The following EMCN variants were observed in gnomAD, a reference collection of about 807,000 sequenced individuals.
EMCN encodes endomucin.
In EMCN, 37 loss-of-function variants were observed where a neutral mutation model predicts 38.4. That is an observed-to-expected ratio of 0.96 (90% CI 0.74 to 1.27). EMCN has a LOEUF of 1.27. Ranked by LOEUF, EMCN falls within the 50% of genes most tolerant of loss-of-function variation. The pLI, the probability that EMCN is intolerant of heterozygous loss-of-function variation, is 0.00. For missense variants in EMCN, 318 were observed against 302.8 expected (o/e 1.05, Z -0.37); for synonymous variants, 95 against 100.8 (o/e 0.94, Z 0.35).
At chr4:100,515,144 A>G (rs1243718618) in intron 1 of EMCN, among the ~76,000 whole-genome samples, 5 of 152,146 alleles carry the variant, frequency 3.3e-5, no homozygotes, top group African/African-American at 9.7e-5. Flanking sequence ...CAACATTTTA[A>G]TATTTCCCAA....
intron 8 of EMCN, among the ~76,000 whole-genome samples, chr4:100,417,925 T>G (rs1726781972): frequency 6.6e-6 from 1 of 152,240 alleles, no homozygotes; most frequent in Admixed American, 6.5e-5. Context: ...GCAGCTTCTG[T>G]TTCTTAGATT....
chr4:100,418,944 T>C (rs1726812489), intron 8 of EMCN, among the ~76,000 whole-genome samples: 1 of 152,110 alleles, frequency 6.6e-6, no homozygotes. Context: ...GCTGTATTTT[T>C]AGTTTTTTTG....
chr4:100,479,729 C>T (rs1230153357), intron 2 of EMCN, among the ~76,000 whole-genome samples, 188 bp downstream of exon 2: 4 of 151,926 alleles, frequency 2.6e-5, no homozygotes, highest in South Asian at 2.1e-4. Context: ...ATCAACAAAG[C>T]GGCCCACTGA....
intron 1 of EMCN, among the ~76,000 whole-genome samples, chr4:100,506,583 A>C (rs1034894998): frequency 5.3e-5 from 8 of 152,118 alleles, no homozygotes; most frequent in African/African-American, 1.2e-4. Flanking sequence ...CAAAAAAAAA[A>C]CCCTGAAAAT....
intron 4 of EMCN, among the ~76,000 whole-genome samples, chr4:100,465,170 AGTGCCAG>A (rs1442441533): frequency 6.6e-6 from 1 of 152,022 alleles, no homozygotes; most frequent in Non-Finnish European, 1.5e-5. Context: ...CTCTCCTTTT[AGTGCCAG>A]GTAATATCAT....
At chr4:100,481,864 TCCTTCCTTCCTTCTTC>T (rs1728814735) in intron 1 of EMCN, among the ~76,000 whole-genome samples, 1 of 151,694 alleles carries the variant, frequency 6.6e-6, no homozygotes, top group Non-Finnish European at 1.5e-5. Flanking sequence ...CTTCCTTTCT[TCCTTCCTTCCTTCTTC>T]CCTTCCTCCC....
intron 2 of EMCN, among the ~76,000 whole-genome samples, chr4:100,479,543 C>T (rs983593891): frequency 3.3e-5 from 5 of 152,122 alleles, no homozygotes; most frequent in African/African-American, 1.2e-4. Flanking sequence ...CAAAACCAAT[C>T]TGTTATTAAT....
At chr4:100,470,874 T>TA (rs1213283199) in intron 3 of EMCN, among the ~76,000 whole-genome samples, 1 of 151,700 alleles carries the variant, frequency 6.6e-6, no homozygotes, top group African/African-American at 2.4e-5. Context: ...GAATAAATCA[T>TA]AAAAAATATT....
At chr4:100,457,249 A>T (rs1474938694) in intron 4 of EMCN, among the ~76,000 whole-genome samples, 1 of 151,462 alleles carries the variant, frequency 6.6e-6, no homozygotes, top group African/African-American at 2.4e-5. Flanking sequence ...AGATCATGTC[A>T]TCTGAGAACA....
At chr4:100,441,225 G>A (rs888757322) in intron 5 of EMCN, among the ~76,000 whole-genome samples, 80 of 152,046 alleles carry the variant, frequency 5.3e-4, no homozygotes, top group African/African-American at 1.9e-3. Flanking sequence ...CAATTGTAAT[G>A]TCCTGTTGAT....
intron 5 of EMCN, among the ~76,000 whole-genome samples, chr4:100,443,243 T>C (rs1407229864): frequency 1.3e-5 from 2 of 152,270 alleles, no homozygotes; most frequent in Non-Finnish European, 2.9e-5. Context: ...TGTGGTACCA[T>C]GCTTCCTTGC....
intron 5 of EMCN, among the ~76,000 whole-genome samples, chr4:100,436,291 C>A (rs1727350333): frequency 6.6e-6 from 1 of 152,032 alleles, no homozygotes; most frequent in African/African-American, 2.4e-5. Context: ...TAGAGAAATG[C>A]AAATCAAAAC....
chr4:100,428,061 T>C (rs1163321557), intron 5 of EMCN, among the ~76,000 whole-genome samples: 6 of 151,134 alleles, frequency 4.0e-5, no homozygotes, highest in Admixed American at 3.3e-4. Context: ...ATATCCTTTC[T>C]TCCTTCAGCT....
chr4:100,417,427 C>T (rs1485945770), intron 8 of EMCN, among the ~76,000 whole-genome samples: 12 of 152,074 alleles, frequency 7.9e-5, no homozygotes, highest in Admixed American at 7.2e-4. Flanking sequence ...AATTACTGTT[C>T]ATTATTGCAT....
intron 11 of EMCN, among the ~76,000 whole-genome samples, chr4:100,409,553 T>A (rs1373428549): frequency 6.6e-6 from 1 of 152,220 alleles, no homozygotes; most frequent in Non-Finnish European, 1.5e-5. Flanking sequence ...TGTAGTAAGA[T>A]TGATCATTTG....
chr4:100,413,420 G>T (rs1299664960), intron 10 of EMCN, among the ~76,000 whole-genome samples: 1 of 151,964 alleles, frequency 6.6e-6, no homozygotes, highest in Non-Finnish European at 1.5e-5. Flanking sequence ...GGCAAGAGAA[G>T]TTACTTAAAT....
intron 11 of EMCN, among the ~76,000 whole-genome samples, chr4:100,399,981 G>T (rs1292603603): frequency 6.6e-6 from 1 of 152,096 alleles, no homozygotes; most frequent in Non-Finnish European, 1.5e-5. Flanking sequence ...GACTTTTGAT[G>T]TCATTAGTGA....
At chr4:100,453,565 C>T (rs534483844) in intron 4 of EMCN, among the ~76,000 whole-genome samples, 84 of 152,130 alleles carry the variant, frequency 5.5e-4, no homozygotes, top group African/African-American at 2.0e-3. Context: ...CACTTTTACA[C>T]TGTTGGTGGG....
At chr4:100,493,747 T>C (rs1336824699) in intron 1 of EMCN, among the ~76,000 whole-genome samples, 5 of 152,200 alleles carry the variant, frequency 3.3e-5, no homozygotes. Flanking sequence ...TTATTTATAT[T>C]TTAAGAGTTG....
Sources: allele counts gnomAD v4.1 joint callset (sites outside exome capture counted in the v4.1 genomes callset), GRCh38; gene constraint gnomAD v4.1.1; transcripts MANE v1.5; gene names NCBI Gene and HGNC (gene_info 2026-07-23, HGNC 2026-07-21).